The following MAN1C1 variants were observed in gnomAD, a reference collection of about 807,000 sequenced individuals.
MAN1C1 encodes the protein mannosyl-oligosaccharide 1,2-alpha-mannosidase IC.
A neutral mutation model predicts 71.5 loss-of-function variants in MAN1C1; 49 were observed. The observed-to-expected ratio is 0.69, with a 90% CI of 0.54 to 0.87. The LOEUF is 0.87. Ranked by LOEUF, MAN1C1 falls within the 40% of genes least tolerant of loss-of-function variation. The pLI, the probability that MAN1C1 is intolerant of heterozygous loss-of-function variation, is 0.00. For synonymous variants in MAN1C1, 352 were observed against 343.7 expected, an observed-to-expected ratio of 1.02 and a Z score of -0.27; for missense variants, 743 against 835.0, an observed-to-expected ratio of 0.89 and a Z score of 1.36.
Position 25,780,952 on chromosome 1 carries a change from G to A in MAN1C1, c.1490G>A (p.Gly497Glu). Reference protein sequence around the residue: ...ESYARSDTKLGPEAFWFNSGR... With the variant: ...ESYARSDTKLEPEAFWFNSGR... ...GCTGTTTCCCCAGACACCAAACTTG[G>A]GCCTGAGGCCTTCTGGTTTAACTCC... Residue 497 changes from glycine (G) to glutamate (E), a missense_variant, in exon 10 of 12, where the codon GGG becomes GAG. Gly to Glu is a moderately conservative substitution (Grantham distance 98). Coordinates refer to ENST00000374332, the MANE Select transcript of MAN1C1 (RefSeq NM_020379.4). 6.2e-7 allele frequency: 1 copy of A among 1,613,970 alleles called. No homozygotes were observed. The highest frequency in any genetic ancestry group is 8.5e-7 in the Non-Finnish European group (1 of 1,179,924).
intron 1 of MAN1C1, among the ~76,000 whole-genome samples, chr1:25,643,860 T>A (rs1402733200): frequency 6.6e-6 from 1 of 152,114 alleles, no homozygotes; most frequent in Non-Finnish European, 1.5e-5. Flanking sequence ...TCCTAAAAAT[T>A]GCCTTCATGT....
intron 1 of MAN1C1, among the ~76,000 whole-genome samples, chr1:25,664,755 G>A (rs992479810): frequency 5.3e-5 from 8 of 152,220 alleles, no homozygotes; most frequent in Admixed American, 1.3e-4. Context: ...AGCATTGTTC[G>A]ATTAAAAGAA....
At chr1:25,723,002 C>T (rs939650058) in intron 2 of MAN1C1, among the ~76,000 whole-genome samples, 6 of 152,196 alleles carry the variant, frequency 3.9e-5, no homozygotes, top group South Asian at 2.1e-4. Context: ...GCTTGTAGGG[C>T]GTACTCTTTG....
At chr1:25,651,401 G>A (rs564674283) in intron 1 of MAN1C1, among the ~76,000 whole-genome samples, 39 of 152,244 alleles carry the variant, frequency 2.6e-4, no homozygotes, top group South Asian at 8.3e-4. Context: ...TGTTGCTGGC[G>A]CCTGGGCTGC....
chr1:25,758,168 C>T (rs1034664326), intron 5 of MAN1C1, among the ~76,000 whole-genome samples: 4 of 152,222 alleles, frequency 2.6e-5, no homozygotes, highest in Non-Finnish European at 5.9e-5. Flanking sequence ...ACTGTTTATC[C>T]TCCACATGCA....
chr1:25,735,360 A>C lies in MAN1C1; in HGVS notation c.638-11308A>C, dbSNP rs2046968898. Among the ~76,000 whole-genome samples the C allele has an allele frequency of 6.6e-6, 1 of 152,226 alleles. No homozygotes were observed. The highest frequency in any genetic ancestry group is 6.5e-5 in the Admixed American group (1 of 15,290). ...CTTGAACCCAGGAGGTGGAGATTGC[A>C]GTGAGCAGAGATCACACCACTGCAC... On this transcript the variant is annotated intron_variant, in intron 2 of 11. Coordinates refer to ENST00000374332, the MANE Select transcript of MAN1C1 (RefSeq NM_020379.4). The surrounding 1 kb of genome is among the most constrained non-coding windows in gnomAD (Gnocchi z 4.6).
intron 1 of MAN1C1, among the ~76,000 whole-genome samples, chr1:25,638,385 A>G (rs114904814): frequency 6.6e-6 from 1 of 152,176 alleles, no homozygotes; most frequent in Admixed American, 6.5e-5. Flanking sequence ...CTCACAATAC[A>G]TTGGTATTAT....
At position 25,671,781 on chromosome 1, in the gene MAN1C1, T is replaced by C. The variant is rs183226145; in HGVS notation, c.541-14659T>C. On this transcript the variant is annotated intron_variant, in intron 1 of 11. Transcript: ENST00000374332. ...AACACAAATTCGTTCTCTTACAGTT[T>C]AGTAGGTCAGGGGTCTGAAACAGGT... is the stretch of plus-strand genomic sequence containing the variant. Among the ~76,000 whole-genome samples, 11 of 152,334 alleles carry C rather than the reference T, an allele frequency of 7.2e-5. No individual in the cohort carries two copies. In the East Asian group the frequency reaches 1.7e-3, roughly 24 times the overall value.
chr1:25,633,650 C>T (rs757901163), intron 1 of MAN1C1, among the ~76,000 whole-genome samples: 4 of 150,928 alleles, frequency 2.7e-5, no homozygotes, highest in Non-Finnish European at 5.9e-5. Context: ...CACCCCTTTA[C>T]TTTGAGTTTA....
At chr1:25,771,615 C>T (rs1343929585) in intron 7 of MAN1C1, 42 bp from the exon 8 acceptor site, 9 of 1,485,748 alleles carry the variant, frequency 6.1e-6, no homozygotes, top group African/African-American at 2.8e-5. Flanking sequence ...TGAGAGCCGG[C>T]GGCAGATGGA....
intron 1 of MAN1C1, among the ~76,000 whole-genome samples, chr1:25,629,714 C>T: frequency 6.6e-6 from 1 of 151,792 alleles, no homozygotes; most frequent in African/African-American, 2.4e-5. Context: ...AGCCACTGCA[C>T]CCAGCCATTT....
At chr1:25,665,530 C>T (rs1485281607) in intron 1 of MAN1C1, among the ~76,000 whole-genome samples, 1 of 152,186 alleles carries the variant, frequency 6.6e-6, no homozygotes, top group Non-Finnish European at 1.5e-5. Context: ...TTGGATAACG[C>T]TGTGTCCCAT....
chr1:25,778,247 AG>A lies in MAN1C1; in HGVS notation c.1402del (p.Glu468LysfsTer47), dbSNP rs1412334624. 6.2e-7 allele frequency: 1 copy of A among 1,614,094 alleles called. No individual in the cohort carries two copies. Among genetic ancestry groups the A allele is most frequent in the Admixed American group, 1.7e-5 (1 of 60,008 alleles). On this transcript the variant is annotated frameshift_variant, in exon 9 of 12. Coordinates refer to ENST00000374332, the MANE Select transcript of MAN1C1 (RefSeq NM_020379.4). LOFTEE classifies it high-confidence loss of function. The surrounding 1 kb of genome is among the most constrained non-coding windows in gnomAD (Gnocchi z 5.5). The stretch of plus-strand genomic sequence containing the variant: ...ATCGCCCTTGGCGCCGAGGATGCCA[AG>A]GAAGAAAAGAGGGCCCACTACCGAG... ...GMIALGAEDA[K>X]EEKRAHYREL...
chr1:25,676,370 G>A (rs142337741), intron 1 of MAN1C1, among the ~76,000 whole-genome samples: 1,562 of 152,142 alleles, frequency 0.01, 17 homozygotes, highest in Non-Finnish European at 0.016. Context: ...AACCCCACCC[G>A]TGCCCAGCTT....
At chr1:25,772,616 C>T (rs550017628) in intron 8 of MAN1C1, among the ~76,000 whole-genome samples, 3 of 152,290 alleles carry the variant, frequency 2.0e-5, no homozygotes, top group Non-Finnish European at 4.4e-5. Context: ...ACACTACCTC[C>T]TTATTTTCTC....
At chr1:25,647,476 G>A (rs912715030) in intron 1 of MAN1C1, among the ~76,000 whole-genome samples, 3 of 152,142 alleles carry the variant, frequency 2.0e-5, no homozygotes, top group Non-Finnish European at 2.9e-5. Context: ...ATGTGATGGC[G>A]CTGGGGGTGC....
chr1:25,721,365 A>G (rs2046764326), intron 2 of MAN1C1, among the ~76,000 whole-genome samples: 1 of 152,206 alleles, frequency 6.6e-6, no homozygotes, highest in South Asian at 2.1e-4. Flanking sequence ...TTTATAGATC[A>G]ATTTGAGGAA....
rs533872502 is a variant in MAN1C1 at position 25,617,678 on chromosome 1, T to C, written c.-120T>C. On this transcript the variant is annotated 5_prime_UTR_variant, in exon 1 of 12. Coordinates refer to ENST00000374332, the MANE Select transcript of MAN1C1 (RefSeq NM_020379.4). The surrounding 1 kb of genome is among the most constrained non-coding windows in gnomAD (Gnocchi z 5.1). Reference sequence around the variant, plus strand: ...CCCCGAAGCGGCGAAACTCTCAGGGTTGGCAACCCTGCCCAGGGACCCCCA... The same window carrying C: ...CCCCGAAGCGGCGAAACTCTCAGGGCTGGCAACCCTGCCCAGGGACCCCCA... The C allele has an allele frequency of 6.0e-4, 519 of 866,140 alleles. 4 individuals are homozygous for C. In the East Asian group the frequency reaches 0.015, roughly 25 times the overall value. The allele number at this position is 866,140 out of a possible 1,614,324, so 53.7% of individuals were successfully genotyped here. A position where few individuals can be genotyped will look rare whatever the true frequency, so the allele number is the denominator to read the frequency against.
rs12568682 is a variant in MAN1C1, at chr1:25,662,754, A to G, written c.541-23686A>G. 9.2e-5 allele frequency among the ~76,000 whole-genome samples: 14 copies of G among 152,112 alleles called. No homozygotes were observed. The East Asian group carries it at 2.5e-3, about 27-fold the overall frequency. Reference sequence around the variant, plus strand: ...AGACCAGCCTGGCCAACACAGTAAGATCCTCTCTATTAAAAAATATATTTA... The same window carrying G: ...AGACCAGCCTGGCCAACACAGTAAGGTCCTCTCTATTAAAAAATATATTTA... On this transcript the variant is annotated intron_variant, in intron 1 of 11. Transcript: ENST00000374332.
Sources: gnomAD v4.1 joint callset for allele counts (sites outside exome capture counted in the v4.1 genomes callset) on GRCh38, gnomAD v4.1.1 for gene constraint, Gnocchi (gnomAD v3.1) non-coding constraint, MANE v1.5 for transcripts, NCBI Gene and HGNC (gene_info 2026-07-23, HGNC 2026-07-21) for gene names.